The following MICAL2 variants were observed in gnomAD, a reference collection of about 807,000 sequenced individuals.
MICAL2 encodes [F-actin]-monooxygenase MICAL2.
A neutral mutation model predicts 127.3 loss-of-function variants in MICAL2; 77 were observed. The ratio of observed to expected loss-of-function variants is 0.60; its 90% CI spans 0.50 to 0.73. The LOEUF (loss-of-function observed/expected upper bound fraction) is 0.73. MICAL2 is among the 30% of genes least tolerant of loss of function. The pLI is 0.00. For synonymous variants in MICAL2, 570 were observed against 551.1 expected, an observed-to-expected ratio of 1.03 and a Z score of -0.48; for missense variants, 1,351 against 1,434.4, an observed-to-expected ratio of 0.94 and a Z score of 0.94.
intron 25 of MICAL2, 52 bp downstream of exon 25, chr11:12,258,608 G>T: frequency 1.3e-6 from 2 of 1,531,000 alleles, no homozygotes; most frequent in Non-Finnish European, 1.8e-6. Flanking sequence ...CTTGATAAGG[G>T]TTTCCAGTGA....
chr11:12,132,129 A>G (rs970058285), intron 1 of MICAL2, among the ~76,000 whole-genome samples: 8 of 152,132 alleles, frequency 5.3e-5, no homozygotes, highest in African/African-American at 1.9e-4. Flanking sequence ...CCATCCTCCT[A>G]CCACCTCTGC....
chr11:12,287,851 G>A (rs1590721899), downstream of MICAL2, among the ~76,000 whole-genome samples: 1 of 152,254 alleles, frequency 6.6e-6, no homozygotes, highest in East Asian at 1.9e-4. Flanking sequence ...CCTGAGCGAG[G>A]GGCAGAGACT....
chr11:12,204,313 GC>G lies in MICAL2; in HGVS notation c.330del (p.Val112TrpfsTer60). Reference protein sequence around the residue: ...RTAIELAYLGAKVVVVEKRDS... With the variant: ...RTAIELAYLGXKVVVVEKRDS... ...TGCCATTGAACTTGCCTACCTGGGA[GC>G]CAAAGTGGTCGTGGTGGAGAAGAGG... On this transcript the variant is annotated frameshift_variant, in exon 4 of 28. Coordinates refer to ENST00000683283, the MANE Select transcript of MICAL2 (RefSeq NM_001282663.2). LOFTEE classifies it high-confidence loss of function. 6.2e-7 allele frequency: 1 copy of G among 1,614,198 alleles called. No individual in the cohort carries two copies. The highest frequency in any genetic ancestry group is 8.5e-7 in the Non-Finnish European group (1 of 1,180,040).
chr11:12,237,090 GCCC>G (rs1859190522), intron 16 of MICAL2, among the ~76,000 whole-genome samples: 1 of 152,152 alleles, frequency 6.6e-6, no homozygotes, highest in Non-Finnish European at 1.5e-5. Context: ...CTGACTTGCT[GCCC>G]CTCACAACAG....
chr11:12,262,364 G>A (rs1250277759), intron 26 of MICAL2, 116 bp from the exon 27 acceptor site: 1 of 1,564,030 alleles, frequency 6.4e-7, no homozygotes, highest in Non-Finnish European at 8.6e-7. Context: ...TTTCAATCGT[G>A]GCCTTATTTT....
At chr11:12,251,395 G>A (rs1298056615) in intron 22 of MICAL2, among the ~76,000 whole-genome samples, 2 of 151,760 alleles carry the variant, frequency 1.3e-5, no homozygotes, top group African/African-American at 4.8e-5. Flanking sequence ...TGGCCTTTGG[G>A]GTTGGCTTCA....
Position 12,249,253 on chromosome 11 carries a change from T to C in MICAL2, c.2847+7T>C, listed in dbSNP as rs1457725920. 6.5e-7 allele frequency: 1 copy of C among 1,528,248 alleles called. No individual in the cohort carries two copies. Among genetic ancestry groups the C allele is most frequent in the Non-Finnish European group, 9.1e-7 (1 of 1,102,344 alleles). 94.7% of individuals were successfully genotyped at this position (1,528,248 alleles called of 1,614,324 possible). On this transcript the variant is annotated splice_region_variant and intron_variant, in intron 22 of 27. Transcript: ENST00000683283. Reference sequence around the variant, plus strand: ...GAGAACAGTGCATCCTCAGGTGAGTTAGAGCCTCCCTGAACTTCAGCTGCC... The same window carrying C: ...GAGAACAGTGCATCCTCAGGTGAGTCAGAGCCTCCCTGAACTTCAGCTGCC...
At chr11:12,330,849 CAGAG>C (rs1357948595) in intron 32 of MICAL2, among the ~76,000 whole-genome samples, 3 of 68,226 alleles carry the variant, frequency 4.4e-5, no homozygotes, top group African/African-American at 1.6e-4. Flanking sequence ...GAGAGAGAGA[CAGAG>C]AGAGGGGTAG....
In MICAL2 at chr11:12,146,974, A is replaced by C. The variant is rs534500695; in HGVS notation, c.-78+8514A>C. On this transcript the variant is annotated intron_variant, in intron 2 of 27. Transcript: ENST00000683283. ...CTATTGCAAGGACAGAAAACCAAAC[A>C]CTGCATGTTCTCACTCATAGGTGGA... Among the ~76,000 whole-genome samples the C allele has an allele frequency of 3.3e-5, 5 of 151,956 alleles. No homozygotes were observed. In the South Asian group the frequency reaches 8.3e-4, roughly 25 times the overall value.
At chr11:12,167,277 G>A (rs562373336) in intron 3 of MICAL2, among the ~76,000 whole-genome samples, 14 of 152,228 alleles carry the variant, frequency 9.2e-5, no homozygotes, top group African/African-American at 2.9e-4. Flanking sequence ...GAAAACTCTT[G>A]CGTTATCTTT....
Position 12,132,906 on chromosome 11 carries a change from C to T in MICAL2, c.-148-5484C>T, listed in dbSNP as rs183447403. ...TACTCCACTGGTTATTTAGTTTATGCCCATGCAGACTTCGGTGCTGGGTTC... is the reference window on the plus strand; with the variant it reads ...TACTCCACTGGTTATTTAGTTTATGTCCATGCAGACTTCGGTGCTGGGTTC... On this transcript the variant is annotated intron_variant, in intron 1 of 27. Coordinates refer to ENST00000683283, the MANE Select transcript of MICAL2 (RefSeq NM_001282663.2). Among the ~76,000 whole-genome samples, 6 of 152,320 alleles carry T rather than the reference C, an allele frequency of 3.9e-5. No homozygotes were observed. The East Asian group carries it at 1.2e-3, about 29-fold the overall frequency.
chr11:12,354,706 T>C, intron 33 of MICAL2: 1 of 1,156,748 alleles, frequency 8.6e-7, no homozygotes, highest in Non-Finnish European at 1.3e-6. Flanking sequence ...ATGCTGTAGC[T>C]ACTCTCAATG....
rs992651912 is a variant in MICAL2, at chr11:12,313,099, C to G, written c.5213-6597C>G. 3.8e-5 allele frequency among the ~76,000 whole-genome samples: 5 copies of G among 130,450 alleles called. No individual in the cohort carries two copies. In the South Asian group the frequency reaches 7.6e-4, roughly 20 times the overall value. 85.6% of individuals were successfully genotyped at this position (130,450 alleles called of 152,430 possible). ...AGGAGAATGGCGTGAACCGGAGAGG[C>G]GGAGCTTGCAGTGAGCCGAGATAGC... On this transcript the variant is annotated intron_variant, in intron 29 of 34. Coordinates refer to the MICAL2 transcript ENST00000646065.
chr11:12,245,300 C>G (rs973498148), intron 21 of MICAL2, among the ~76,000 whole-genome samples: 1 of 152,204 alleles, frequency 6.6e-6, no homozygotes, highest in Non-Finnish European at 1.5e-5. Context: ...TCATGCTGCA[C>G]GTGCCGCTGC....
chr11:12,315,783 CTTACTTTTG>C (rs1231320302), intron 29 of MICAL2, among the ~76,000 whole-genome samples: 1 of 152,150 alleles, frequency 6.6e-6, no homozygotes, highest in African/African-American at 2.4e-5. Context: ...GTCGCATACT[CTTACTTTTG>C]TGTACTTATT....
chr11:12,169,267 T>A (rs1855945181), intron 3 of MICAL2, among the ~76,000 whole-genome samples: 1 of 152,214 alleles, frequency 6.6e-6, no homozygotes, highest in South Asian at 2.1e-4. Context: ...CTTTTTTCAC[T>A]GAAAAATATA....
At chr11:12,334,867 G>A (rs1026609502) in intron 32 of MICAL2, among the ~76,000 whole-genome samples, 5 of 151,954 alleles carry the variant, frequency 3.3e-5, no homozygotes, top group African/African-American at 1.2e-4. Flanking sequence ...GGACATTTGG[G>A]TTGGTTCCAA....
At chr11:12,269,755 G>T (rs1483606896) in intron 24 of MICAL2, among the ~76,000 whole-genome samples, 1 of 152,220 alleles carries the variant, frequency 6.6e-6, no homozygotes, top group Admixed American at 6.5e-5. Context: ...CTGCACAAAG[G>T]CTACTGCTAG....
chr11:12,153,811 A>G (rs1358141953), intron 2 of MICAL2, among the ~76,000 whole-genome samples: 1 of 152,246 alleles, frequency 6.6e-6, no homozygotes, highest in African/African-American at 2.4e-5. Context: ...CTGGCCTCCT[A>G]GAAATTGGGA....
Sources: gnomAD v4.1 joint callset for allele counts (sites outside exome capture counted in the v4.1 genomes callset) on GRCh38, gnomAD v4.1.1 for gene constraint, MANE v1.5 for transcripts, NCBI Gene and HGNC (gene_info 2026-07-23, HGNC 2026-07-21) for gene names.